FGF9: variants seen among roughly 807,000 people sequenced by gnomAD.
The protein encoded by FGF9 is fibroblast growth factor 9.
A neutral mutation model predicts 19.9 loss-of-function variants in FGF9; 3 were observed. That is an observed-to-expected ratio of 0.15 (90% CI 0.07 to 0.39). FGF9 has a LOEUF of 0.39. FGF9 is among the 10% of genes least tolerant of loss of function. FGF9 has a pLI of 1.00. For missense variants in FGF9, 175 were observed against 256.8 expected (o/e 0.68, Z 2.18); for synonymous variants, 107 against 106.9 (o/e 1.00, Z -0.01).
intron 2 of FGF9, among the ~76,000 whole-genome samples, chr13:21,686,713 A>C (rs1025510768): frequency 2.0e-5 from 3 of 152,236 alleles, no homozygotes; most frequent in Admixed American, 6.5e-5. Context: ...AGGGCAATTT[A>C]TGTGCAGTTG....
In FGF9 at chr13:21,701,877, T is replaced by C. The variant is rs573811075; in HGVS notation, c.*442T>C. The C allele has an allele frequency of 2.3e-4, 42 of 179,326 alleles. No homozygotes were observed. In the South Asian group the frequency reaches 3.4e-3, roughly 14 times the overall value. The allele number at this position is 179,326 out of a possible 1,614,324, so 11.1% of individuals were successfully genotyped here. A position where few individuals can be genotyped will look rare whatever the true frequency, so the allele number is the denominator to read the frequency against. On this transcript the variant is annotated 3_prime_UTR_variant, in exon 3 of 3. Transcript: ENST00000382353. Reference sequence around the variant, plus strand: ...AGCACAGCTGCCATACTTCGACTTATCAGGATTCTGGCTGGTGGCCTGCGC... The same window carrying C: ...AGCACAGCTGCCATACTTCGACTTACCAGGATTCTGGCTGGTGGCCTGCGC...
At chr13:21,679,976 A>AAG (rs1555224299) in intron 1 of FGF9, among the ~76,000 whole-genome samples, 497 of 151,162 alleles carry the variant, frequency 3.3e-3, no homozygotes, top group African/African-American at 0.012. Flanking sequence ...AAAAAAAAAA[A>AAG]AATTAGCAGT....
At chr13:21,681,609 C>T (rs1423994564) in intron 2 of FGF9, among the ~76,000 whole-genome samples, 34 of 152,176 alleles carry the variant, frequency 2.2e-4, no homozygotes, top group Admixed American at 2.0e-3. Flanking sequence ...TATTTTTGTA[C>T]GTGAATAAGA....
At position 21,702,381 on chromosome 13, in the gene FGF9, A is replaced by C. The variant is rs1430487896; in HGVS notation, c.*946A>C. On this transcript the variant is annotated 3_prime_UTR_variant, in exon 3 of 3. Coordinates refer to ENST00000382353, the MANE Select transcript of FGF9 (RefSeq NM_002010.3). ...AGGATTAAAGATAAACTGGGTCTCAAACTTTGATTCTGTGTCTGCAATATT... is the reference window on the plus strand; with the variant it reads ...AGGATTAAAGATAAACTGGGTCTCACACTTTGATTCTGTGTCTGCAATATT... The C allele has an allele frequency of 1.3e-5, 2 of 152,198 alleles. No homozygotes were observed. The highest frequency in any genetic ancestry group is 2.4e-5 in the African/African-American group (1 of 41,438). 9.4% of individuals were successfully genotyped at this position (152,198 alleles called of 1,614,324 possible).
At position 21,671,375 on chromosome 13, in the gene FGF9, AT is replaced by A. The variant is rs888345532; in HGVS notation, c.-529del. 8 of 392,850 alleles carry A rather than the reference AT, an allele frequency of 2.0e-5. No homozygotes were observed. The highest frequency in any genetic ancestry group is 1.4e-4 in the South Asian group (1 of 6,934). The allele number at this position is 392,850 out of a possible 1,614,324, so 24.3% of individuals were successfully genotyped here. A position where few individuals can be genotyped will look rare whatever the true frequency, so the allele number is the denominator to read the frequency against. ...GATTTGTCGCCGCCACCAACGTGAG[AT>A]TTTTTTTTCCCCTTGAAGGATTCAT... On this transcript the variant is annotated 5_prime_UTR_variant, in exon 1 of 3. Coordinates refer to ENST00000382353, the MANE Select transcript of FGF9 (RefSeq NM_002010.3).
chr13:21,700,340 T>C (rs575076355), intron 2 of FGF9, among the ~76,000 whole-genome samples: 1 of 152,332 alleles, frequency 6.6e-6, no homozygotes, highest in Non-Finnish European at 1.5e-5. Context: ...AGAAGCATTA[T>C]GTTTTAAAAT....
intron 1 of FGF9, among the ~76,000 whole-genome samples, chr13:21,679,453 CAT>C (rs1314828861): frequency 6.6e-6 from 1 of 152,086 alleles, no homozygotes; most frequent in Non-Finnish European, 1.5e-5. Flanking sequence ...TTATTAGTCA[CAT>C]GAGACTGACT....
intron 2 of FGF9, among the ~76,000 whole-genome samples, chr13:21,686,058 AC>A (rs1872148589): frequency 6.6e-6 from 1 of 152,192 alleles, no homozygotes; most frequent in Admixed American, 6.5e-5. Flanking sequence ...TTATAAAAAT[AC>A]TTAAAGAAGT....
chr13:21,699,810 C>CCAGGTAGGTAA (rs1358105470), intron 2 of FGF9, among the ~76,000 whole-genome samples: 19 of 152,040 alleles, frequency 1.2e-4, no homozygotes, highest in African/African-American at 4.6e-4. Flanking sequence ...TTATATAAGG[C>CCAGGTAGGTAA]GCCAGGTAGG....
intron 2 of FGF9, among the ~76,000 whole-genome samples, chr13:21,687,654 A>G (rs1375973596): frequency 6.6e-6 from 1 of 152,076 alleles, no homozygotes; most frequent in Non-Finnish European, 1.5e-5. Flanking sequence ...CCCCTGCCCC[A>G]CTTCTTCCTA....
rs761526644 is a variant in FGF9, at chr13:21,681,112, C to T, written c.348C>T (p.Leu116=). 21 of 1,613,640 alleles carry T rather than the reference C, an allele frequency of 1.3e-5. No homozygotes were observed. The highest frequency in any genetic ancestry group is 6.6e-5 in the South Asian group (6 of 91,052). ...SIRGVDSGLY[L]GMNEKGELYG... The stretch of plus-strand genomic sequence containing the variant: ...GAGGCGTGGACAGTGGACTCTACCT[C>T]GGGATGAATGAGAAGGGGGAGCTGT... Residue 116 remains leucine, a synonymous_variant, in exon 2 of 3, where the codon CTC becomes CTT. Coordinates refer to ENST00000382353, the MANE Select transcript of FGF9 (RefSeq NM_002010.3).
chr13:21,680,999 C>A, intron 1 of FGF9, 43 bp from the exon 2 acceptor site: 1 of 1,447,662 alleles, frequency 6.9e-7, no homozygotes, highest in Non-Finnish European at 9.7e-7. Context: ...AGGACATGCT[C>A]TGTGATCTGA....
intron 2 of FGF9, among the ~76,000 whole-genome samples, chr13:21,692,681 C>G (rs1872319233): frequency 6.6e-6 from 1 of 152,214 alleles, no homozygotes; most frequent in African/African-American, 2.4e-5. Flanking sequence ...CATGGTCACG[C>G]TCCCAAGTGT....
Position 21,671,215 on chromosome 13 carries a change from C to T in FGF9, c.-698C>T, listed in dbSNP as rs1234533536. 6.6e-6 allele frequency among the ~76,000 whole-genome samples: 1 copy of T among 152,218 alleles called. No homozygotes were observed. The highest frequency in any genetic ancestry group is 2.4e-5 in the African/African-American group (1 of 41,466). On this transcript the variant is annotated 5_prime_UTR_variant, in exon 1 of 3. Coordinates refer to ENST00000382353, the MANE Select transcript of FGF9 (RefSeq NM_002010.3). ...GACGCGGCTCTCCTCGCTCGCCGCT[C>T]GCCACCCGTTCTAAGCCAATGGACA... is the stretch of plus-strand genomic sequence containing the variant.
intron 2 of FGF9, among the ~76,000 whole-genome samples, chr13:21,684,597 A>G (rs1474371136): frequency 6.6e-6 from 1 of 152,114 alleles, no homozygotes; most frequent in African/African-American, 2.4e-5. Flanking sequence ...CTGAGGGGGA[A>G]TGAGGCTGAA....
At chr13:21,677,401 G>C (rs764643030) in intron 1 of FGF9, among the ~76,000 whole-genome samples, 2 of 152,034 alleles carry the variant, frequency 1.3e-5, no homozygotes, top group African/African-American at 4.8e-5. Flanking sequence ...TGCACAGAAG[G>C]CTTCTCCTGG....
At chr13:21,695,067 T>TGC in intron 2 of FGF9, among the ~76,000 whole-genome samples, 1 of 150,132 alleles carries the variant, frequency 6.7e-6, no homozygotes, top group African/African-American at 2.5e-5. Context: ...TGAAGATGTG[T>TGC]GCGTGTGTGT....
chr13:21,677,261 G>A (rs1871939801), intron 1 of FGF9, among the ~76,000 whole-genome samples: 3 of 152,180 alleles, frequency 2.0e-5, no homozygotes, highest in African/African-American at 7.2e-5. Context: ...ACATGTGTGT[G>A]CCACAGTTCT....
intron 2 of FGF9, among the ~76,000 whole-genome samples, chr13:21,682,933 A>G (rs965215441): frequency 6.6e-6 from 1 of 152,176 alleles, no homozygotes; most frequent in Admixed American, 6.5e-5. Flanking sequence ...TTGAGTATGC[A>G]TCTCAAATAT....
Sources: allele counts gnomAD v4.1 joint callset (sites outside exome capture counted in the v4.1 genomes callset), GRCh38; gene constraint gnomAD v4.1.1; transcripts MANE v1.5; gene names NCBI Gene and HGNC (gene_info 2026-07-23, HGNC 2026-07-21).